Variants in PAX2 observed in about 807,000 individuals in gnomAD.
PAX2 encodes the protein paired box protein Pax-2.
A neutral mutation model predicts 41.7 loss-of-function variants in PAX2; 9 were observed. That is an observed-to-expected ratio of 0.22 (90% CI 0.13 to 0.38). The LOEUF (loss-of-function observed/expected upper bound fraction) is 0.38. PAX2 is among the 10% of genes least tolerant of loss of function. PAX2 has a pLI of 1.00. For missense variants in PAX2, 418 were observed against 531.6 expected (o/e 0.79, Z 2.10); for synonymous variants, 221 against 212.7 (o/e 1.04, Z -0.34).
chr10:100,775,191 T>C (rs1201764937), intron 3 of PAX2, among the ~76,000 whole-genome samples: 2 of 152,146 alleles, frequency 1.3e-5, no homozygotes, highest in Non-Finnish European at 2.9e-5. Context: ...GGAGGTTTGA[T>C]GTGTGTCTGG....
intron 3 of PAX2, among the ~76,000 whole-genome samples, chr10:100,765,666 A>G (rs7068349): frequency 0.11 from 16,811 of 152,142 alleles, 2,750 homozygotes; most frequent in African/African-American, 0.36. Flanking sequence ...CTCTGTGTGG[A>G]CATAGGCAGT....
chr10:100,748,313 G>C lies in PAX2; in HGVS notation c.44-1433G>C. The C allele has an allele frequency of 3.0e-6, 3 of 984,724 alleles. No individual in the cohort carries two copies. Among genetic ancestry groups the C allele is most frequent in the African/African-American group, 3.5e-5 (2 of 57,260 alleles). The allele number at this position is 984,724 out of a possible 1,614,324, so 61.0% of individuals were successfully genotyped here. A position where few individuals can be genotyped will look rare whatever the true frequency, so the allele number is the denominator to read the frequency against. ...GAGGGGAGGGTGAGAAGTGGGGCTA[G>C]AGATAGGGAGATTAACGGGGTGGGC... On this transcript the variant is annotated intron_variant, in intron 1 of 9. Coordinates refer to ENST00000355243, the MANE Select transcript of PAX2 (RefSeq NM_000278.5). The surrounding 1 kb of genome is among the most constrained non-coding windows in gnomAD (Gnocchi z 5.0).
At chr10:100,778,510 T>G (rs1252539392) in intron 3 of PAX2, among the ~76,000 whole-genome samples, 1 of 152,206 alleles carries the variant, frequency 6.6e-6, no homozygotes, top group Non-Finnish European at 1.5e-5. Flanking sequence ...GCTCATGGCT[T>G]GTGACTCACC....
chr10:100,824,771 G>A lies in PAX2; in HGVS notation c.1021+22G>A. The A allele has an allele frequency of 2.6e-6, 4 of 1,548,858 alleles. No homozygotes were observed. The South Asian group carries it at 3.3e-5, about 13-fold the overall frequency. On this transcript the variant is annotated intron_variant, in intron 8 of 9. Transcript: ENST00000355243. This position sits in a 1 kb window ranked among gnomAD's most constrained non-coding sequence, Gnocchi z 6.6. ...CCTGGTAGGTGACAATGCTGCAGCT[G>A]CCTAATCTAGGTGGGGGGAACTAAA...
At chr10:100,756,407 A>G (rs910218029) in intron 3 of PAX2, among the ~76,000 whole-genome samples, 4 of 152,226 alleles carry the variant, frequency 2.6e-5, no homozygotes, top group African/African-American at 9.6e-5. Flanking sequence ...GAAGAGAACA[A>G]TGGTGTAAAA....
chr10:100,780,322 T>A (rs1047674610), intron 4 of PAX2, among the ~76,000 whole-genome samples: 29 of 152,186 alleles, frequency 1.9e-4, no homozygotes, highest in African/African-American at 7.0e-4. Context: ...GCACACAGAC[T>A]AGCTTCCCTC....
At chr10:100,802,273 T>G (rs896789691) in intron 5 of PAX2, among the ~76,000 whole-genome samples, 1 of 152,200 alleles carries the variant, frequency 6.6e-6, no homozygotes, top group Non-Finnish European at 1.5e-5. Flanking sequence ...GCCCTCTTGG[T>G]GCAGGGAGTT....
chr10:100,779,415 G>A, intron 3 of PAX2, 83 bp from the exon 4 acceptor site: 1 of 1,147,468 alleles, frequency 8.7e-7, no homozygotes, highest in Non-Finnish European at 1.3e-6. Context: ...ACTTGGGAGA[G>A]AGCCCCTTTG....
intron 3 of PAX2, among the ~76,000 whole-genome samples, chr10:100,769,052 C>T (rs3923992): frequency 0.035 from 5,380 of 152,292 alleles, 125 homozygotes; most frequent in Non-Finnish European, 0.055. Flanking sequence ...ATTCTACCAT[C>T]GGTTCTTGAT....
intron 3 of PAX2, among the ~76,000 whole-genome samples, chr10:100,765,833 T>G (rs1298625702): frequency 6.6e-6 from 1 of 152,200 alleles, no homozygotes; most frequent in Non-Finnish European, 1.5e-5. Flanking sequence ...TAGGATTTTA[T>G]GTACACTAGC....
In PAX2 at chr10:100,750,484, CCTGGAGGGATGGTACCCCT is replaced by C. The variant is rs1425649780; in HGVS notation, c.213-209_213-191del. ...ACCCAGCCCCTGGTGTGGCCGTCTCCCTGGAGGGATGGTACCCCTTGTCCTCCTACTCCGCGGCGCTCCT... is the reference window on the plus strand; with the variant it reads ...ACCCAGCCCCTGGTGTGGCCGTCTCCTGTCCTCCTACTCCGCGGCGCTCCT... On this transcript the variant is annotated intron_variant, in intron 2 of 9. Coordinates refer to ENST00000355243, the MANE Select transcript of PAX2 (RefSeq NM_000278.5). The surrounding 1 kb of genome is among the most constrained non-coding windows in gnomAD (Gnocchi z 4.1). Among the ~76,000 whole-genome samples, 2 of 152,222 alleles carry C rather than the reference CCTGGAGGGATGGTACCCCT, an allele frequency of 1.3e-5. No homozygotes were observed. The highest frequency in any genetic ancestry group is 2.9e-5 in the Non-Finnish European group (2 of 68,038).
chr10:100,783,832 C>A (rs962062813), intron 5 of PAX2, among the ~76,000 whole-genome samples: 1 of 152,114 alleles, frequency 6.6e-6, no homozygotes, highest in African/African-American at 2.4e-5. Flanking sequence ...CCCAAGTTTC[C>A]TCTGAAACAT....
intron 3 of PAX2, among the ~76,000 whole-genome samples, chr10:100,755,039 T>C (rs1845581020): frequency 6.6e-6 from 1 of 152,212 alleles, no homozygotes; most frequent in Non-Finnish European, 1.5e-5. Flanking sequence ...CAGACCAACA[T>C]GCCAATTTCT....
intron 3 of PAX2, among the ~76,000 whole-genome samples, chr10:100,773,894 C>T (rs1220819959): frequency 6.6e-6 from 1 of 152,182 alleles, no homozygotes; most frequent in Non-Finnish European, 1.5e-5. Context: ...TCTATTTCCA[C>T]CCCTGAGCCT....
intron 7 of PAX2, among the ~76,000 whole-genome samples, chr10:100,822,316 GT>G (rs1413061494): frequency 6.6e-6 from 1 of 151,994 alleles, no homozygotes; most frequent in Non-Finnish European, 1.5e-5. Context: ...ATAATCTATT[GT>G]TTAAATTGTT....
rs1845324212 is a variant in PAX2, at chr10:100,748,965, AT to A, written c.44-779del. The A allele has an allele frequency of 1.0e-6, 1 of 985,354 alleles. No individual in the cohort carries two copies. The highest frequency in any genetic ancestry group is 1.2e-6 in the Non-Finnish European group (1 of 829,920). 61.0% of individuals were successfully genotyped at this position (985,354 alleles called of 1,614,324 possible). ...AGGCAGGCGAGCCCAAGCAGCCGGC[AT>A]TCTCTGCCTGCTGCCTGGAGCCGCT... On this transcript the variant is annotated intron_variant, in intron 1 of 9. Transcript: ENST00000355243. This position sits in a 1 kb window ranked among gnomAD's most constrained non-coding sequence, Gnocchi z 5.0.
chr10:100,762,511 GC>G (rs1017223510), intron 3 of PAX2, among the ~76,000 whole-genome samples: 5 of 152,108 alleles, frequency 3.3e-5, no homozygotes, highest in African/African-American at 1.2e-4. Context: ...AATCCTAAAT[GC>G]TACTGAATGG....
chr10:100,768,564 T>C (rs1846101464), intron 3 of PAX2, among the ~76,000 whole-genome samples: 2 of 152,248 alleles, frequency 1.3e-5, no homozygotes, highest in South Asian at 4.1e-4. Context: ...ACCTGTGCTC[T>C]CTGTTAATTG....
chr10:100,816,947 T>C (rs117521202), intron 7 of PAX2, among the ~76,000 whole-genome samples: 1 of 152,264 alleles, frequency 6.6e-6, no homozygotes, highest in Non-Finnish European at 1.5e-5. Flanking sequence ...TGAAAAACAC[T>C]GCGCTTTTGG....
Sources: gnomAD v4.1 joint callset for allele counts (sites outside exome capture counted in the v4.1 genomes callset) on GRCh38, gnomAD v4.1.1 for gene constraint, Gnocchi (gnomAD v3.1) non-coding constraint, MANE v1.5 for transcripts, NCBI Gene and HGNC (gene_info 2026-07-23, HGNC 2026-07-21) for gene names.